The following EXD3 variants were observed in gnomAD, a reference collection of about 807,000 sequenced individuals.
EXD3 encodes the protein exonuclease mut-7 homolog.
A neutral mutation model predicts 98.0 loss-of-function variants in EXD3; 92 were observed. That is an observed-to-expected ratio of 0.94 (90% CI 0.79 to 1.12). EXD3 has a LOEUF of 1.12. Among genes scored for constraint, EXD3 ranks in the 50% most tolerant of loss-of-function variants. EXD3 has a pLI of 0.00. For synonymous variants in EXD3, 569 were observed against 526.0 expected (o/e 1.08, Z -1.12); for missense variants, 1,222 against 1,191.6 (o/e 1.03, Z -0.38).
At chr9:137,419,973 T>C (rs150587867) in intron 1 of EXD3, among the ~76,000 whole-genome samples, 6,927 of 151,974 alleles carry the variant, frequency 0.046, 460 homozygotes, top group African/African-American at 0.15. Context: ...TCCTGGCTAA[T>C]ACGGTGAAAC....
At chr9:137,354,476 T>A in intron 9 of EXD3, 99 bp from the exon 10 acceptor site, 20 of 1,575,254 alleles carry the variant, frequency 1.3e-5, no homozygotes, top group Non-Finnish European at 1.6e-5. Context: ...GGTACATCCT[T>A]GGCAGAGCCC....
chr9:137,370,057 A>C lies in EXD3; in HGVS notation c.463-2068T>G, dbSNP rs571272901. 6.6e-5 allele frequency among the ~76,000 whole-genome samples: 10 copies of C among 152,082 alleles called. No homozygotes were observed. In the South Asian group the frequency reaches 2.1e-3, roughly 32 times the overall value. On this transcript the variant is annotated intron_variant, in intron 5 of 21. Coordinates refer to ENST00000340951, the MANE Select transcript of EXD3 (RefSeq NM_017820.5). ...GACAGGACGAGGATGGAGCTCCCCT[A>C]GCTCCACCCTGGTAAGGGCAGAGCC...
intron 14 of EXD3, among the ~76,000 whole-genome samples, chr9:137,350,427 C>T (rs190665346): frequency 1.1e-3 from 65 of 57,292 alleles, no homozygotes; most frequent in African/African-American, 2.9e-3. Flanking sequence ...GTGGGGATCA[C>T]GGGGAAGGTT....
rs1462870099 is a variant in EXD3 at position 137,328,628 on chromosome 9, G to A, written c.1999-4485C>T. Among the ~76,000 whole-genome samples the A allele has an allele frequency of 3.0e-4, 26 of 87,438 alleles. 1 individual carries two copies. The South Asian group carries it at 4.3e-3, about 14-fold the overall frequency. The allele number at this position is 87,438 out of a possible 152,430, so 57.4% of individuals were successfully genotyped here. The stretch of plus-strand genomic sequence containing the variant: ...TACACGGGGCTACACGGGACTACAC[G>A]GGACTACACGGGGCTACACGGGACT... On this transcript the variant is annotated intron_variant, in intron 17 of 21. Coordinates refer to ENST00000340951, the MANE Select transcript of EXD3 (RefSeq NM_017820.5).
At position 137,349,889 on chromosome 9, in the gene EXD3, ACAG is replaced by A. The variant is rs1480428148; in HGVS notation, c.1495-361_1495-359del. Among the ~76,000 whole-genome samples, 1 of 151,940 alleles carries A rather than the reference ACAG, an allele frequency of 6.6e-6. No homozygotes were observed. The highest frequency in any genetic ancestry group is 2.4e-5 in the African/African-American group (1 of 41,322). On this transcript the variant is annotated intron_variant, in intron 14 of 21. Transcript: ENST00000340951. The surrounding 1 kb of genome is among the most constrained non-coding windows in gnomAD (Gnocchi z 7.4). The stretch of plus-strand genomic sequence containing the variant: ...GAGCACTGGGTGTGCCGTGCATAAA[ACAG>A]CAGAAACGCAGACAAAATGCAGCGA...
chr9:137,332,725 G>A (rs182626595), intron 17 of EXD3, among the ~76,000 whole-genome samples: 1 of 152,058 alleles, frequency 6.6e-6, no homozygotes, highest in South Asian at 2.1e-4. Context: ...GGCGCCTGTA[G>A]TCCCAGCTAC....
rs748701830 is a variant in EXD3, at chr9:137,373,425, C to T, written c.294+1G>A. ...GACTGTCACAGAACCCATGGGCTCA[C>T]CTGGGCCAGGCTCGGGCATGGCTGT... On this transcript the variant is annotated splice_donor_variant, in intron 4 of 21. Transcript: ENST00000340951. LOFTEE classifies it high-confidence loss of function. The T allele has an allele frequency of 6.2e-7, 1 of 1,606,106 alleles. No individual in the cohort carries two copies. The highest frequency in any genetic ancestry group is 1.7e-5 in the Admixed American group (1 of 59,844).
chr9:137,394,040 G>C (rs1056942933), intron 2 of EXD3, among the ~76,000 whole-genome samples: 1 of 152,158 alleles, frequency 6.6e-6, no homozygotes, highest in Non-Finnish European at 1.5e-5. Context: ...GCCCCAGCCC[G>C]TCCCCGGCAC....
At chr9:137,323,642 A>G (rs1832214849) in intron 19 of EXD3, 83 bp downstream of exon 19, 15 of 1,538,568 alleles carry the variant, frequency 9.7e-6, no homozygotes, top group African/African-American at 1.4e-5. Flanking sequence ...ACCACTGTCT[A>G]GGGTGGGGCC....
chr9:137,368,949 G>T (rs917879722), intron 5 of EXD3, among the ~76,000 whole-genome samples: 1 of 141,238 alleles, frequency 7.1e-6, no homozygotes, highest in African/African-American at 2.6e-5. Context: ...TCTCAGGCCC[G>T]TGAGGAGGGG....
rs545253065 is a variant in EXD3, at chr9:137,397,751, C to T, written c.-47-2347G>A. Among the ~76,000 whole-genome samples the T allele has an allele frequency of 5.3e-5, 8 of 152,100 alleles. No homozygotes were observed. In the East Asian group the frequency reaches 1.5e-3, roughly 29 times the overall value. On this transcript the variant is annotated intron_variant, in intron 1 of 21. Coordinates refer to ENST00000340951, the MANE Select transcript of EXD3 (RefSeq NM_017820.5). ...ATCACTTGAGCCCAGGAGTTTGAGA[C>T]CATCCTAGGCAACATGGTCAAACTG...
intron 2 of EXD3, among the ~76,000 whole-genome samples, chr9:137,389,154 C>A (rs1211859067): frequency 6.6e-6 from 1 of 152,222 alleles, no homozygotes; most frequent in African/African-American, 2.4e-5. Context: ...GTCTCAGATT[C>A]CACCCACATC....
At position 137,323,722 on chromosome 9, in the gene EXD3, C is replaced by G; in HGVS notation, c.2184+3G>C. The G allele has an allele frequency of 6.2e-7, 1 of 1,611,776 alleles. No homozygotes were observed. The highest frequency in any genetic ancestry group is 8.5e-7 in the Non-Finnish European group (1 of 1,179,432). On this transcript the variant is annotated splice_donor_region_variant and intron_variant, in intron 19 of 21. Transcript: ENST00000340951. Reference sequence around the variant, plus strand: ...CAGGTAGGACGGGGTGCGCAGGACCCACCTGGCAGCGGCTGAAGATGTCTG... The same window carrying G: ...CAGGTAGGACGGGGTGCGCAGGACCGACCTGGCAGCGGCTGAAGATGTCTG...
intron 20 of EXD3, among the ~76,000 whole-genome samples, chr9:137,308,079 T>C (rs1168083816): frequency 2.0e-5 from 3 of 151,976 alleles, no homozygotes; most frequent in Admixed American, 6.5e-5. Context: ...TCAGGGTCTG[T>C]TGGAGACCCT....
At chr9:137,378,584 C>T (rs1170544728) in intron 3 of EXD3, among the ~76,000 whole-genome samples, 5 of 152,314 alleles carry the variant, frequency 3.3e-5, no homozygotes, top group Non-Finnish European at 5.9e-5. Flanking sequence ...TTATTTACAA[C>T]GGCCAGAGGT....
intron 17 of EXD3, among the ~76,000 whole-genome samples, chr9:137,340,971 T>A (rs556897825): frequency 6.6e-6 from 1 of 152,292 alleles, no homozygotes; most frequent in Non-Finnish European, 1.5e-5. Context: ...CTACCAGATA[T>A]GAAGATGGGT....
chr9:137,338,427 A>G (rs1277586197), intron 17 of EXD3, among the ~76,000 whole-genome samples: 1 of 152,146 alleles, frequency 6.6e-6, no homozygotes, highest in Non-Finnish European at 1.5e-5. Context: ...CACTTATATC[A>G]TAAAATATAA....
intron 1 of EXD3, among the ~76,000 whole-genome samples, chr9:137,401,763 G>C (rs942438793): frequency 6.6e-6 from 1 of 152,170 alleles, no homozygotes; most frequent in Non-Finnish European, 1.5e-5. Context: ...AGGGACCCTG[G>C]GCCCAGCCCA....
chr9:137,317,049 G>A (rs1011724373), intron 19 of EXD3, among the ~76,000 whole-genome samples: 1 of 152,130 alleles, frequency 6.6e-6, no homozygotes, highest in Non-Finnish European at 1.5e-5. Flanking sequence ...CAGCCTGACA[G>A]GGCGGCCCAG....
Sources: gnomAD v4.1 joint callset for allele counts (sites outside exome capture counted in the v4.1 genomes callset) on GRCh38, gnomAD v4.1.1 for gene constraint, Gnocchi (gnomAD v3.1) non-coding constraint, MANE v1.5 for transcripts, NCBI Gene and HGNC (gene_info 2026-07-23, HGNC 2026-07-21) for gene names.